Variants in SASS6 observed in about 807,000 individuals in gnomAD.
SASS6 encodes spindle assembly abnormal protein 6 homolog.
A neutral mutation model predicts 94.9 loss-of-function variants in SASS6; 59 were observed. That is an observed-to-expected ratio of 0.62 (90% CI 0.50 to 0.77). The LOEUF is 0.77. Ranked by LOEUF, SASS6 falls within the 30% of genes least tolerant of loss-of-function variation. The probability of loss-of-function intolerance (pLI) is 0.00; values close to 1 mark genes in which losing one functional copy is unlikely to be tolerated. For synonymous variants in SASS6, 264 were observed against 270.0 expected, an observed-to-expected ratio of 0.98 and a Z score of 0.22; for missense variants, 698 against 734.1, an observed-to-expected ratio of 0.95 and a Z score of 0.57.
chr1:100,083,714 A>G lies in SASS6; in HGVS notation c.*1614T>C, dbSNP rs1369095584. The G allele has an allele frequency of 6.6e-6, 1 of 152,064 alleles. No individual in the cohort carries two copies. The highest frequency in any genetic ancestry group is 2.4e-5 in the African/African-American group (1 of 41,428). The allele number at this position is 152,064 out of a possible 1,614,324, so 9.4% of individuals were successfully genotyped here. A position where few individuals can be genotyped will look rare whatever the true frequency, so the allele number is the denominator to read the frequency against. On this transcript the variant is annotated 3_prime_UTR_variant, in exon 17 of 17. Coordinates refer to ENST00000287482, the MANE Select transcript of SASS6 (RefSeq NM_194292.3). ...AGTTTAGGAGGTAAAGAATTAGCAC[A>G]CTTGGAAGTCTGTATACATTTAATA...
chr1:100,112,958 T>C (rs370409480), intron 7 of SASS6, among the ~76,000 whole-genome samples: 3 of 152,306 alleles, frequency 2.0e-5, no homozygotes, highest in African/African-American at 7.2e-5. Flanking sequence ...AAGAGAAGTG[T>C]TGACCTGGTT....
At chr1:100,123,100 C>T (rs1047744101) in intron 3 of SASS6, 110 bp downstream of exon 3, 29 of 550,038 alleles carry the variant, frequency 5.3e-5, no homozygotes, top group Non-Finnish European at 8.1e-5. Context: ...CCAATATTCC[C>T]AAAGTAACTA....
rs1355605398 is a variant in SASS6 at position 100,085,319 on chromosome 1, A to C, written c.*9T>G. On this transcript the variant is annotated 3_prime_UTR_variant, in exon 17 of 17. Transcript: ENST00000287482. ...AAATACCAATAAAAAGTAAAACATG[A>C]CACTAGAATTAACTGTTTGGTAACT... The C allele has an allele frequency of 2.0e-6, 3 of 1,534,796 alleles. No homozygotes were observed. The highest frequency in any genetic ancestry group is 1.8e-6 in the Non-Finnish European group (2 of 1,107,850).
At position 100,125,949 on chromosome 1, in the gene SASS6, GA is replaced by G; in HGVS notation, c.66-8del. 18 of 1,448,034 alleles carry G rather than the reference GA, an allele frequency of 1.2e-5. No individual in the cohort carries two copies. The highest frequency in any genetic ancestry group is 3.7e-5 in the South Asian group (3 of 80,546). The allele number at this position is 1,448,034 out of a possible 1,614,324, so 89.7% of individuals were successfully genotyped here. A position where few individuals can be genotyped will look rare whatever the true frequency, so the allele number is the denominator to read the frequency against. ...CATTCTTATACTTACTCTCCTGTAG[GA>G]AAAGACATACCCAACCATCAGAAAC... is the stretch of plus-strand genomic sequence containing the variant. On this transcript the variant is annotated splice_region_variant and splice_polypyrimidine_tract_variant and intron_variant, in intron 1 of 16. Transcript: ENST00000287482.
chr1:100,126,493 TGTGGCCCGTCGCA>T (rs933448369), intron 1 of SASS6, among the ~76,000 whole-genome samples: 26 of 152,214 alleles, frequency 1.7e-4, no homozygotes, highest in African/African-American at 5.1e-4. Flanking sequence ...AAACTTAGTA[TGTGGCCCGTCGCA>T]GTGGCTCACA....
At chr1:100,103,242 T>G (rs1046870499) in intron 13 of SASS6, among the ~76,000 whole-genome samples, 159 bp from the exon 14 acceptor site, 2 of 152,216 alleles carry the variant, frequency 1.3e-5, no homozygotes, top group African/African-American at 4.8e-5. Flanking sequence ...TCTGCTTTAT[T>G]ATCTACCATG....
chr1:100,123,228 G>C lies in SASS6; in HGVS notation c.188C>G (p.Ser63Cys), dbSNP rs1333446739. The change falls in exon 3 of 17, where the codon TCT becomes TGT. Residue 63 changes from serine to cysteine, a missense_variant. Coordinates refer to ENST00000287482, the MANE Select transcript of SASS6 (RefSeq NM_194292.3). ...TAGTTACCTTTGAAAATCTTCCTCA[G>C]ATATAACAAGGTTATATAAAAAAAA... ...DPFFLYNLVISEEDFQSLKFQ... is the reference protein window; with the variant it reads ...DPFFLYNLVICEEDFQSLKFQ... 1 of 1,472,696 alleles carries C rather than the reference G, an allele frequency of 6.8e-7. No homozygotes were observed. Among genetic ancestry groups the C allele is most frequent in the Non-Finnish European group, 9.4e-7 (1 of 1,064,580 alleles). The allele number at this position is 1,472,696 out of a possible 1,614,324, so 91.2% of individuals were successfully genotyped here.
intron 15 of SASS6, among the ~76,000 whole-genome samples, chr1:100,086,543 C>T (rs1260269373): frequency 2.7e-5 from 4 of 146,286 alleles, no homozygotes; most frequent in South Asian, 2.1e-4. Context: ...GACAGGTTCT[C>T]GTTTTGAGGC....
intron 13 of SASS6, 44 bp downstream of exon 13, chr1:100,105,723 C>T: frequency 1.9e-6 from 3 of 1,582,184 alleles, no homozygotes; most frequent in Non-Finnish European, 2.6e-6. Flanking sequence ...ACTTTTGTTT[C>T]AGGAAATTCA....
At chr1:100,110,049 C>A (rs868047259) in intron 8 of SASS6, among the ~76,000 whole-genome samples, 1 of 151,938 alleles carries the variant, frequency 6.6e-6, no homozygotes, top group African/African-American at 2.4e-5. Flanking sequence ...ATAAATCTGA[C>A]AGCTGTGCCA....
rs1361398073 is a variant in SASS6 at position 100,084,455 on chromosome 1, AAC to A, written c.*871_*872del. On this transcript the variant is annotated 3_prime_UTR_variant, in exon 17 of 17. Transcript: ENST00000287482. ...GGAAGAGAAGAAAATTGTACCTTCT[AAC>A]AGTTATTTGTTTTGCCTAGTTTATT... 1.3e-5 allele frequency: 2 copies of A among 152,088 alleles called. No homozygotes were observed. Among genetic ancestry groups the A allele is most frequent in the Admixed American group, 1.3e-4 (2 of 15,264 alleles). 9.4% of individuals were successfully genotyped at this position (152,088 alleles called of 1,614,324 possible).
chr1:100,105,658 C>G (rs778647224), intron 13 of SASS6, 109 bp downstream of exon 13: 1 of 1,044,412 alleles, frequency 9.6e-7, no homozygotes, highest in Non-Finnish European at 1.4e-6. Flanking sequence ...TAGGACTCCA[C>G]TTTGTATTGG....
Position 100,088,152 on chromosome 1 carries a change from T to C in SASS6, c.1759A>G (p.Thr587Ala). 6 of 1,579,650 alleles carry C rather than the reference T, an allele frequency of 3.8e-6. No homozygotes were observed. Among genetic ancestry groups the C allele is most frequent in the Non-Finnish European group, 5.2e-6 (6 of 1,149,474 alleles). Residue 587 changes from threonine (T) to alanine (A), a missense_variant, in exon 15 of 17, where the codon ACT becomes GCT. By Grantham distance (58) the Thr-to-Ala change is moderately conservative (BLOSUM62 0). Transcript: ENST00000287482. ...TTAAGCACTTACTTTTCCTTATCAG[T>C]TGAGCAAGGCATACTAATAGTTGCT... ...SGATISMPCS[T>A]DKENGENVGL...
At chr1:100,124,149 T>C (rs1294455353) in intron 2 of SASS6, among the ~76,000 whole-genome samples, 1 of 152,074 alleles carries the variant, frequency 6.6e-6, no homozygotes, top group Non-Finnish European at 1.5e-5. Context: ...AATGAAGAGG[T>C]ACAGCAGGCA....
Position 100,085,249 on chromosome 1 carries a change from G to C in SASS6, c.*79C>G. The C allele has an allele frequency of 2.3e-6, 2 of 871,530 alleles. No homozygotes were observed. The highest frequency in any genetic ancestry group is 1.7e-5 in the African/African-American group (1 of 59,722). The allele number at this position is 871,530 out of a possible 1,614,324, so 54.0% of individuals were successfully genotyped here. On this transcript the variant is annotated 3_prime_UTR_variant, in exon 17 of 17. Transcript: ENST00000287482. ...GTAAAATTTGAAACTTGCTATTTGA[G>C]GATCTGGTTTGTGTTGACATATTTT...
chr1:100,114,584 G>A (rs532584962), intron 7 of SASS6, among the ~76,000 whole-genome samples: 3 of 151,794 alleles, frequency 2.0e-5, no homozygotes, highest in Non-Finnish European at 4.4e-5. Flanking sequence ...TAGGCCTGGT[G>A]GTCTGTATCT....
At chr1:100,130,679 A>C (rs1654941403) in intron 1 of SASS6, among the ~76,000 whole-genome samples, 1 of 115,464 alleles carries the variant, frequency 8.7e-6, no homozygotes. Flanking sequence ...ACAGAGCGAG[A>C]CTCTGTCTAG....
intron 13 of SASS6, among the ~76,000 whole-genome samples, chr1:100,104,559 A>T (rs375093931): frequency 6.6e-6 from 1 of 151,716 alleles, no homozygotes; most frequent in East Asian, 2.0e-4. Flanking sequence ...TCCTGGGTTC[A>T]AGCAGTTCCC....
At chr1:100,102,160 A>C (rs1385387803) in intron 14 of SASS6, among the ~76,000 whole-genome samples, 1 of 152,212 alleles carries the variant, frequency 6.6e-6, no homozygotes, top group East Asian at 1.9e-4. Flanking sequence ...TAGGTAGAAG[A>C]AAGCCTTAAC....
Sources: gnomAD v4.1 joint callset for allele counts (sites outside exome capture counted in the v4.1 genomes callset) on GRCh38, gnomAD v4.1.1 for gene constraint, MANE v1.5 for transcripts, NCBI Gene and HGNC (gene_info 2026-07-23, HGNC 2026-07-21) for gene names.